Variants in SCAMP1 observed in about 807,000 individuals in gnomAD.
SCAMP1 encodes the protein secretory carrier membrane protein 1, also known as secretory carrier-associated membrane protein 1.
In SCAMP1, 15 loss-of-function variants were observed where a neutral mutation model predicts 41.8. The ratio of observed to expected loss-of-function variants is 0.36; its 90% CI spans 0.24 to 0.55. SCAMP1 has a LOEUF of 0.55. Ranked by LOEUF, SCAMP1 falls within the 20% of genes least tolerant of loss-of-function variation. The pLI is 0.86. For missense variants in SCAMP1, 341 were observed against 412.6 expected (o/e 0.83, Z 1.50); for synonymous variants, 135 against 136.8 (o/e 0.99, Z 0.09).
intron 1 of SCAMP1, among the ~76,000 whole-genome samples, chr5:78,382,887 C>A (rs1041990578): frequency 3.7e-4 from 56 of 151,346 alleles, no homozygotes; most frequent in Middle Eastern, 6.8e-3. Flanking sequence ...TTTGCAATTG[C>A]AAATTGTGCT....
At chr5:78,432,685 C>T (rs1020307466) in intron 6 of SCAMP1, among the ~76,000 whole-genome samples, 5 of 151,502 alleles carry the variant, frequency 3.3e-5, no homozygotes, top group Admixed American at 6.6e-5. Context: ...TGTTAAAGTA[C>T]GTGTGTGCAA....
intron 6 of SCAMP1, among the ~76,000 whole-genome samples, chr5:78,426,649 A>G (rs565816944): frequency 1.4e-4 from 22 of 152,276 alleles, no homozygotes; most frequent in African/African-American, 3.6e-4. Context: ...GAGTTGTGCA[A>G]TCATTACCAC....
At chr5:78,362,132 C>T (rs1750672068) in intron 1 of SCAMP1, among the ~76,000 whole-genome samples, 1 of 151,770 alleles carries the variant, frequency 6.6e-6, no homozygotes, top group Admixed American at 6.6e-5. Context: ...ATTGGACTTG[C>T]TTCCATGTTG....
chr5:78,451,962 T>C (rs1326219217), intron 7 of SCAMP1, among the ~76,000 whole-genome samples: 1 of 152,188 alleles, frequency 6.6e-6, no homozygotes, highest in Non-Finnish European at 1.5e-5. Flanking sequence ...GCCTCCTTTT[T>C]ATTTTTGAGT....
intron 2 of SCAMP1, among the ~76,000 whole-genome samples, chr5:78,399,998 C>T (rs1368251594): frequency 1.3e-5 from 2 of 152,068 alleles, no homozygotes; most frequent in Non-Finnish European, 2.9e-5. Context: ...CTGTGTTGCT[C>T]AGGCTGGTCT....
At chr5:78,396,699 G>A (rs566238435) in intron 2 of SCAMP1, among the ~76,000 whole-genome samples, 1 of 152,256 alleles carries the variant, frequency 6.6e-6, no homozygotes, top group Non-Finnish European at 1.5e-5. Flanking sequence ...TGGTGCACTC[G>A]AATATTGGAG....
chr5:78,404,344 ACTATATT>A (rs1751876382), intron 2 of SCAMP1, among the ~76,000 whole-genome samples: 1 of 151,346 alleles, frequency 6.6e-6, no homozygotes, highest in Admixed American at 6.6e-5. Context: ...ACGGGGTCTC[ACTATATT>A]GCCCAGCCTG....
chr5:78,406,904 G>C (rs918955216), intron 2 of SCAMP1, among the ~76,000 whole-genome samples: 8 of 152,112 alleles, frequency 5.3e-5, no homozygotes, highest in Non-Finnish European at 1.5e-5. Flanking sequence ...TTCCAGGTCT[G>C]TTCCAGTTTT....
At chr5:78,458,945 C>T (rs1360515275) in intron 7 of SCAMP1, among the ~76,000 whole-genome samples, 1 of 152,288 alleles carries the variant, frequency 6.6e-6, no homozygotes, top group East Asian at 1.9e-4. Context: ...AAAAAATGTA[C>T]AGTCTGGAAT....
At chr5:78,469,890 T>TAAAAAAAAAAAACAAAA (rs1753831604) in intron 8 of SCAMP1, among the ~76,000 whole-genome samples, 1 of 15,024 alleles carries the variant, frequency 6.7e-5, no homozygotes, top group African/African-American at 1.5e-4. Context: ...TACAAGACAT[T>TAAAAAAAAAAAACAAAA]AAAAAAAAAA....
intron 6 of SCAMP1, among the ~76,000 whole-genome samples, chr5:78,446,550 C>T (rs1215707066): frequency 6.6e-6 from 1 of 151,838 alleles, no homozygotes; most frequent in African/African-American, 2.4e-5. Flanking sequence ...GCCAGAGGGA[C>T]AGGGAAATAG....
At chr5:78,452,308 A>T in intron 7 of SCAMP1, among the ~76,000 whole-genome samples, 1 of 142,796 alleles carries the variant, frequency 7.0e-6, no homozygotes, top group Non-Finnish European at 1.5e-5. Context: ...AGCATTAGGT[A>T]TATCTCCCAA....
intron 7 of SCAMP1, among the ~76,000 whole-genome samples, chr5:78,458,588 A>T (rs1753496086): frequency 6.6e-6 from 1 of 152,212 alleles, no homozygotes; most frequent in South Asian, 2.1e-4. Flanking sequence ...TAAACATTTA[A>T]AAAAATGTAA....
chr5:78,398,355 C>CTTTTTTTTTTT lies in SCAMP1; in HGVS notation c.135+9458_135+9468dup, dbSNP rs1197381285. Among the ~76,000 whole-genome samples, 11 of 57,482 alleles carry CTTTTTTTTTTT rather than the reference C, an allele frequency of 1.9e-4. 2 individuals are homozygous for CTTTTTTTTTTT. The highest frequency in any genetic ancestry group is 4.5e-4 in the African/African-American group (6 of 13,382). 37.7% of individuals were successfully genotyped at this position (57,482 alleles called of 152,430 possible). On this transcript the variant is annotated intron_variant, in intron 2 of 8. Transcript: ENST00000621999. The stretch of plus-strand genomic sequence containing the variant: ...CTATAGTTTATCCTAGGGTTCACCT[C>CTTTTTTTTTTT]TTTTTTTTTTTTTTTTTTTTTTTTT...
At position 78,477,153 on chromosome 5, in the gene SCAMP1, C is replaced by T. The variant is rs943803443; in HGVS notation, c.*1485C>T. Reference sequence around the variant, plus strand: ...TAAATCACTTTCATTCTCCCCAAACCTGTAGTTACAGAAAAAGTTTTATGC... The same window carrying T: ...TAAATCACTTTCATTCTCCCCAAACTTGTAGTTACAGAAAAAGTTTTATGC... On this transcript the variant is annotated 3_prime_UTR_variant, in exon 9 of 9. Coordinates refer to ENST00000621999, the MANE Select transcript of SCAMP1 (RefSeq NM_004866.6). The T allele has an allele frequency of 7.2e-5, 11 of 152,064 alleles. No homozygotes were observed. The highest frequency in any genetic ancestry group is 1.3e-4 in the Non-Finnish European group (9 of 67,972). The allele number at this position is 152,064 out of a possible 1,614,324, so 9.4% of individuals were successfully genotyped here. A position where few individuals can be genotyped will look rare whatever the true frequency, so the allele number is the denominator to read the frequency against.
At chr5:78,470,497 T>C (rs1753860458) in intron 8 of SCAMP1, among the ~76,000 whole-genome samples, 1 of 152,230 alleles carries the variant, frequency 6.6e-6, no homozygotes, top group African/African-American at 2.4e-5. Context: ...GTATCAGAAA[T>C]GCATTCATTT....
chr5:78,465,249 G>C (rs76779591), intron 8 of SCAMP1, among the ~76,000 whole-genome samples: 1 of 152,148 alleles, frequency 6.6e-6, no homozygotes, highest in Non-Finnish European at 1.5e-5. Context: ...CACCCCCCGC[G>C]TGAACAAGTC....
chr5:78,453,114 A>C lies in SCAMP1; in HGVS notation c.734+3080A>C, dbSNP rs917627805. On this transcript the variant is annotated intron_variant, in intron 7 of 8. Transcript: ENST00000621999. ...TTTGTCAGACGAGTAGGTTGCGAAAATTTTCTCCCATTTTGTAGGTTGCCT... is the reference window on the plus strand; with the variant it reads ...TTTGTCAGACGAGTAGGTTGCGAAACTTTTCTCCCATTTTGTAGGTTGCCT... 1.1e-4 allele frequency among the ~76,000 whole-genome samples: 16 copies of C among 150,160 alleles called. 1 individual carries two copies. The highest frequency in any genetic ancestry group is 1.5e-4 in the African/African-American group (6 of 40,014).
Position 78,478,817 on chromosome 5 carries a change from A to G in SCAMP1, c.*3149A>G, listed in dbSNP as rs994847011. The stretch of plus-strand genomic sequence containing the variant: ...ATCTTATTTTGAGAAATACATGTTA[A>G]AAAAGGAACAGTATTCTTTATTTTC... On this transcript the variant is annotated 3_prime_UTR_variant, in exon 9 of 9. Coordinates refer to ENST00000621999, the MANE Select transcript of SCAMP1 (RefSeq NM_004866.6). 4 of 152,290 alleles carry G rather than the reference A, an allele frequency of 2.6e-5. No individual in the cohort carries two copies. Among genetic ancestry groups the G allele is most frequent in the East Asian group, 1.9e-4 (1 of 5,194 alleles). 9.4% of individuals were successfully genotyped at this position (152,290 alleles called of 1,614,324 possible).
Sources: gnomAD v4.1 joint callset for allele counts (sites outside exome capture counted in the v4.1 genomes callset) on GRCh38, gnomAD v4.1.1 for gene constraint, MANE v1.5 for transcripts, NCBI Gene and HGNC (gene_info 2026-07-23, HGNC 2026-07-21) for gene names.